TAFA1: variants seen among roughly 807,000 people sequenced by gnomAD.
TAFA1 encodes the protein chemokine-like protein TAFA-1.
A neutral mutation model predicts 18.5 loss-of-function variants in TAFA1; 4 were observed. The observed-to-expected ratio is 0.22, with a 90% CI of 0.11 to 0.49. The LOEUF is 0.49. Ranked by LOEUF, TAFA1 falls within the 20% of genes least tolerant of loss-of-function variation. The pLI, the probability that TAFA1 is intolerant of heterozygous loss-of-function variation, is 0.98. For missense variants in TAFA1, 147 were observed against 169.0 expected (o/e 0.87, Z 0.72); for synonymous variants, 56 against 55.2 (o/e 1.01, Z -0.06).
intron 2 of TAFA1, among the ~76,000 whole-genome samples, chr3:68,112,210 C>T (rs572348694): frequency 1.7e-4 from 26 of 152,226 alleles, no homozygotes; most frequent in Non-Finnish European, 3.7e-4. Flanking sequence ...AAAGGAATTA[C>T]GGGACAGGAC....
chr3:68,185,826 C>T (rs549015009), intron 2 of TAFA1, among the ~76,000 whole-genome samples: 140 of 152,106 alleles, frequency 9.2e-4, no homozygotes, highest in Non-Finnish European at 1.6e-3. Context: ...ATGGGAGGAT[C>T]CCTTGAACCC....
chr3:68,246,225 C>G (rs2067073951), intron 2 of TAFA1, among the ~76,000 whole-genome samples: 1 of 152,108 alleles, frequency 6.6e-6, no homozygotes, highest in Non-Finnish European at 1.5e-5. Flanking sequence ...CACACCTGAA[C>G]CAAGAATAAA....
intron 2 of TAFA1, among the ~76,000 whole-genome samples, chr3:68,386,543 A>G (rs1262913012): frequency 6.6e-6 from 1 of 151,490 alleles, no homozygotes; most frequent in Non-Finnish European, 1.5e-5. Flanking sequence ...ATCTAGCCTG[A>G]CAATCCTGGA....
chr3:68,143,967 C>A (rs1032263161), intron 2 of TAFA1, among the ~76,000 whole-genome samples: 2 of 151,768 alleles, frequency 1.3e-5, no homozygotes, highest in East Asian at 3.9e-4. Flanking sequence ...TTTATGTCAG[C>A]AGGAACCCTG....
intron 3 of TAFA1, among the ~76,000 whole-genome samples, chr3:68,501,387 G>T (rs1217201219): frequency 6.6e-6 from 1 of 151,970 alleles, no homozygotes; most frequent in Non-Finnish European, 1.5e-5. Flanking sequence ...GAGGAAAAAA[G>T]CCACGGAATA....
intron 2 of TAFA1, among the ~76,000 whole-genome samples, chr3:68,007,626 CCT>C (rs1439101695): frequency 7.0e-6 from 1 of 142,246 alleles, no homozygotes; most frequent in Admixed American, 7.0e-5. Context: ...CCCCTCCCTT[CCT>C]CTCTCGCGAC....
chr3:68,513,242 A>T (rs1510365), intron 3 of TAFA1, among the ~76,000 whole-genome samples: 3 of 152,018 alleles, frequency 2.0e-5, no homozygotes, highest in South Asian at 4.2e-4. Context: ...AGGAGTAGTG[A>T]GTTTGTGCCA....
chr3:68,347,355 A>G (rs367898991), intron 2 of TAFA1, among the ~76,000 whole-genome samples: 9 of 152,156 alleles, frequency 5.9e-5, no homozygotes, highest in African/African-American at 2.2e-4. Flanking sequence ...CTCCAGGGCA[A>G]AGGCAAGAGT....
chr3:68,514,697 C>A, intron 3 of TAFA1, among the ~76,000 whole-genome samples: 1 of 147,496 alleles, frequency 6.8e-6, no homozygotes, highest in Non-Finnish European at 1.5e-5. Context: ...TTTTATATAA[C>A]ACCAGGGTAC....
At chr3:68,179,046 G>T (rs2066163197) in intron 2 of TAFA1, among the ~76,000 whole-genome samples, 1 of 152,166 alleles carries the variant, frequency 6.6e-6, no homozygotes, top group African/African-American at 2.4e-5. Flanking sequence ...AGAAGGTGGT[G>T]CTAAGAACAC....
At chr3:68,041,107 A>G (rs909919428) in intron 2 of TAFA1, among the ~76,000 whole-genome samples, 26 of 152,238 alleles carry the variant, frequency 1.7e-4, no homozygotes, top group African/African-American at 6.0e-4. Context: ...AATATGGCTA[A>G]TAATTATAAA....
chr3:68,294,128 G>A (rs2068163975), intron 2 of TAFA1, among the ~76,000 whole-genome samples: 2 of 152,056 alleles, frequency 1.3e-5, no homozygotes, highest in Admixed American at 6.6e-5. Context: ...GTCAAATTAT[G>A]TAATAAACAA....
chr3:68,275,151 G>C (rs982282517), intron 2 of TAFA1, among the ~76,000 whole-genome samples: 2 of 152,066 alleles, frequency 1.3e-5, no homozygotes, highest in African/African-American at 4.8e-5. Flanking sequence ...ATTTATGGCA[G>C]GTACTGGGGT....
chr3:68,146,072 A>C (rs2065736863), intron 2 of TAFA1, among the ~76,000 whole-genome samples: 1 of 152,240 alleles, frequency 6.6e-6, no homozygotes, highest in Admixed American at 6.5e-5. Flanking sequence ...CTCTGTTGAT[A>C]CATTGGTAGA....
chr3:68,335,054 A>T (rs570627480), intron 2 of TAFA1, among the ~76,000 whole-genome samples: 1 of 152,234 alleles, frequency 6.6e-6, no homozygotes, highest in Non-Finnish European at 1.5e-5. Context: ...GTGATTGTGC[A>T]TGGAGTTTTA....
intron 3 of TAFA1, among the ~76,000 whole-genome samples, chr3:68,513,861 A>C (rs1473274107): frequency 6.6e-6 from 1 of 152,158 alleles, no homozygotes; most frequent in Non-Finnish European, 1.5e-5. Flanking sequence ...TGATCAAACT[A>C]TACAGTTTTT....
intron 3 of TAFA1, among the ~76,000 whole-genome samples, chr3:68,440,927 C>A (rs2071365038): frequency 6.6e-6 from 1 of 152,154 alleles, no homozygotes; most frequent in Admixed American, 6.5e-5. Context: ...TTAATGGAAT[C>A]ATTGTTGTGT....
intron 2 of TAFA1, among the ~76,000 whole-genome samples, chr3:68,337,313 G>T (rs867127666): frequency 7.2e-4 from 110 of 152,076 alleles, no homozygotes; most frequent in African/African-American, 2.4e-3. Context: ...GGGGAGCGGG[G>T]GTGGTGCCAC....
chr3:68,477,016 A>C (rs998167909), intron 3 of TAFA1, among the ~76,000 whole-genome samples: 1 of 152,104 alleles, frequency 6.6e-6, no homozygotes, highest in Non-Finnish European at 1.5e-5. Flanking sequence ...AGAGACCCCC[A>C]TGTGTCTCCT....
Sources: gnomAD v4.1 joint callset for allele counts (sites outside exome capture counted in the v4.1 genomes callset) on GRCh38, gnomAD v4.1.1 for gene constraint, MANE v1.5 for transcripts, NCBI Gene and HGNC (gene_info 2026-07-23, HGNC 2026-07-21) for gene names.